The following GIT2 variants were observed in gnomAD, a reference collection of about 807,000 sequenced individuals.
GIT2 encodes GIT ArfGAP 2.
A neutral mutation model predicts 100.3 loss-of-function variants in GIT2; 32 were observed. That is an observed-to-expected ratio of 0.32 (90% CI 0.24 to 0.43). The LOEUF (loss-of-function observed/expected upper bound fraction) is 0.43, where lower values mean the gene tolerates loss of function less well. Among genes scored for constraint, GIT2 ranks in the 20% least tolerant of loss-of-function variants. The pLI is 1.00. For synonymous variants in GIT2, 353 were observed against 364.1 expected (o/e 0.97, Z 0.35); for missense variants, 737 against 975.1 (o/e 0.76, Z 3.25).
Position 109,933,902 on chromosome 12 carries a change from C to T in GIT2, c.2067+120G>A, listed in dbSNP as rs569143359. ...AGGCGTGAGCCACCACACCCGGCCT[C>T]GACTGCATATTTTAAAACTGCATGT... On this transcript the variant is annotated intron_variant, in intron 19 of 19. Transcript: ENST00000355312. The surrounding 1 kb of genome is among the most constrained non-coding windows in gnomAD (Gnocchi z 4.5). The T allele has an allele frequency of 5.7e-6, 4 of 703,982 alleles. No homozygotes were observed. The highest frequency in any genetic ancestry group is 1.5e-5 in the South Asian group (1 of 65,166). 43.6% of individuals were successfully genotyped at this position (703,982 alleles called of 1,614,324 possible). A position where few individuals can be genotyped will look rare whatever the true frequency, so the allele number is the denominator to read the frequency against.
rs1264967379 is a variant in GIT2, at chr12:109,953,191, G to T, written c.1143C>A (p.Ser381Arg). The change falls in exon 13 of 20, where the codon AGC becomes AGA. Residue 381 changes from serine to arginine, a missense_variant. By Grantham distance (110) the Ser-to-Arg change is moderately radical (BLOSUM62 -1). Around this residue, in one of 3 missense-constraint regions of GIT2, gnomAD observed 451 missense variants for 543.7 expected, o/e 0.83. Transcript: ENST00000355312. ...LILKTINNQHSVESQDNDQPD... is the reference protein window; with the variant it reads ...LILKTINNQHRVESQDNDQPD... ...GCTGATCGTTGTCTTGACTCTCAACGCTGTGCTGGTTATTGATGGTTTTCA... is the reference window on the plus strand; with the variant it reads ...GCTGATCGTTGTCTTGACTCTCAACTCTGTGCTGGTTATTGATGGTTTTCA... 6.2e-7 allele frequency: 1 copy of T among 1,613,656 alleles called. No homozygotes were observed. Among genetic ancestry groups the T allele is most frequent in the Admixed American group, 1.7e-5 (1 of 60,000 alleles).
At chr12:109,978,420 A>C (rs1373505529) in intron 7 of GIT2, among the ~76,000 whole-genome samples, 1 of 152,076 alleles carries the variant, frequency 6.6e-6, no homozygotes, top group Admixed American at 6.6e-5. Flanking sequence ...ATTTCTTCAA[A>C]TACGTTTTCT....
Position 109,948,029 on chromosome 12 carries a change from G to A in GIT2, c.1393-525C>T, listed in dbSNP as rs1329675335. On this transcript the variant is annotated intron_variant, in intron 14 of 19. Transcript: ENST00000355312. The surrounding 1 kb of genome is among the most constrained non-coding windows in gnomAD (Gnocchi z 4.3). ...AGTTCAGCTTGTGAAAAATCAGATCGCCTATTGCTTTCCAAAAAGCCAACA... is the reference window on the plus strand; with the variant it reads ...AGTTCAGCTTGTGAAAAATCAGATCACCTATTGCTTTCCAAAAAGCCAACA... 3.5e-6 allele frequency: 2 copies of A among 567,678 alleles called. No homozygotes were observed. Among genetic ancestry groups the A allele is most frequent in the Non-Finnish European group, 4.5e-6 (2 of 448,812 alleles). 35.2% of individuals were successfully genotyped at this position (567,678 alleles called of 1,614,324 possible).
Position 109,944,103 on chromosome 12 carries a change from T to C in GIT2, c.1731+1157A>G, listed in dbSNP as rs550145160. Among the ~76,000 whole-genome samples the C allele has an allele frequency of 2.1e-4, 32 of 152,252 alleles. No homozygotes were observed. The East Asian group carries it at 5.8e-3, about 28-fold the overall frequency. On this transcript the variant is annotated intron_variant, in intron 16 of 19. Transcript: ENST00000355312. The stretch of plus-strand genomic sequence containing the variant: ...GGGAGGACTGCTTGAGCCCAGGAGT[T>C]TGAGGCTGCAGTACGCTATGACCAT...
intron 12 of GIT2, among the ~76,000 whole-genome samples, chr12:109,955,053 T>C (rs1176594327): frequency 6.6e-6 from 1 of 152,226 alleles, no homozygotes; most frequent in African/African-American, 2.4e-5. Flanking sequence ...TGTTATTTGT[T>C]GATCTATTTC....
chr12:109,955,290 A>AT (rs1448279909), intron 12 of GIT2, among the ~76,000 whole-genome samples: 1 of 151,864 alleles, frequency 6.6e-6, no homozygotes, highest in East Asian at 1.9e-4. Context: ...CACCCAGCTA[A>AT]TTTTTTTGTA....
intron 12 of GIT2, among the ~76,000 whole-genome samples, chr12:109,959,088 AAC>A (rs1880349769): frequency 6.6e-6 from 1 of 150,706 alleles, no homozygotes; most frequent in African/African-American, 2.4e-5. Flanking sequence ...TTTTTTTTGA[AAC>A]AGAGTCTTGC....
rs148329280 is a variant in GIT2 at position 109,951,246 on chromosome 12, A to T, written c.1313T>A (p.Val438Glu). The T allele has an allele frequency of 5.1e-5, 83 of 1,611,910 alleles. 1 individual carries two copies. The African/African-American group carries it at 9.2e-4, about 18-fold the overall frequency. ...CTGCTGTATCTTGGCCTCAGAAGCCACTAGAGCGTTTTTGACCTCCATAAA... is the reference window on the plus strand; with the variant it reads ...CTGCTGTATCTTGGCCTCAGAAGCCTCTAGAGCGTTTTTGACCTCCATAAA... ...QEFMEVKNAL[V>E]ASEAKIQQLM... Residue 438 changes from valine to glutamate, a missense_variant, in exon 14 of 20, where the codon GTG becomes GAG. Physicochemically the swap from Val to Glu is moderately radical, Grantham distance 121. Transcript: ENST00000355312.
At position 109,948,286 on chromosome 12, in the gene GIT2, A is replaced by C. The variant is rs1876888410; in HGVS notation, c.1393-782T>G. The C allele has an allele frequency of 1.0e-6, 1 of 986,738 alleles. No individual in the cohort carries two copies. The highest frequency in any genetic ancestry group is 1.2e-6 in the Non-Finnish European group (1 of 830,962). The allele number at this position is 986,738 out of a possible 1,614,324, so 61.1% of individuals were successfully genotyped here. A position where few individuals can be genotyped will look rare whatever the true frequency, so the allele number is the denominator to read the frequency against. On this transcript the variant is annotated intron_variant, in intron 14 of 19. Transcript: ENST00000355312. The surrounding 1 kb of genome is among the most constrained non-coding windows in gnomAD (Gnocchi z 4.3). ...TCTGGTGAGTGATCATCTTTCGGCCAGGGCTGGAATATTTGGCCTTTCTCT... is the reference window on the plus strand; with the variant it reads ...TCTGGTGAGTGATCATCTTTCGGCCCGGGCTGGAATATTTGGCCTTTCTCT...
chr12:109,945,389 A>G lies in GIT2; in HGVS notation c.1642-40T>C, dbSNP rs779593425. The G allele has an allele frequency of 4.9e-6, 5 of 1,022,248 alleles. No individual in the cohort carries two copies. The Admixed American group carries it at 5.4e-5, about 11-fold the overall frequency. The allele number at this position is 1,022,248 out of a possible 1,614,324, so 63.3% of individuals were successfully genotyped here. A position where few individuals can be genotyped will look rare whatever the true frequency, so the allele number is the denominator to read the frequency against. On this transcript the variant is annotated intron_variant, in intron 15 of 19. Transcript: ENST00000355312. ...AGAAACACACTCGGGAAAATACAAA[A>G]CAAACCAAAAACCTACCACCTTGCC... is the stretch of plus-strand genomic sequence containing the variant.
Position 109,932,990 on chromosome 12 carries a change from C to T in GIT2, c.2268G>A (p.Glu756=). Residue 756 remains glutamate, a synonymous_variant, in exon 20 of 20, where the codon GAG becomes GAA. Coordinates refer to ENST00000355312, the MANE Select transcript of GIT2 (RefSeq NM_057169.5). The stretch of plus-strand genomic sequence containing the variant: ...TGCCCTGCCCTTGTCAGTTGTTGTT[C>T]TCTTTGGTGGTGATGGTAACCAGCT... ...AKQLVTITTK[E]NNN is the part of the protein sequence containing the mutation. 1 of 1,605,762 alleles carries T rather than the reference C, an allele frequency of 6.2e-7. No homozygotes were observed. Among genetic ancestry groups the T allele is most frequent in the African/African-American group, 1.3e-5 (1 of 74,848 alleles).
chr12:109,986,094 A>G (rs141030379), intron 4 of GIT2, among the ~76,000 whole-genome samples: 11 of 151,964 alleles, frequency 7.2e-5, no homozygotes, highest in African/African-American at 2.7e-4. Context: ...CCAGTTCAAG[A>G]GATTCACAGC....
Position 109,989,810 on chromosome 12 carries a change from C to A in GIT2, c.187-8G>T. 1.4e-6 allele frequency: 2 copies of A among 1,396,906 alleles called. No individual in the cohort carries two copies. Among genetic ancestry groups the A allele is most frequent in the South Asian group, 2.3e-5 (2 of 86,412 alleles). 86.5% of individuals were successfully genotyped at this position (1,396,906 alleles called of 1,614,324 possible). A position where few individuals can be genotyped will look rare whatever the true frequency, so the allele number is the denominator to read the frequency against. ...ATACAAGGTCTCAACCATCTAAAAC[C>A]AAGCAGGATGACATAAGACTTTAAT... On this transcript the variant is annotated splice_region_variant and splice_polypyrimidine_tract_variant and intron_variant, in intron 2 of 19. Transcript: ENST00000355312.
intron 7 of GIT2, among the ~76,000 whole-genome samples, chr12:109,973,046 G>A (rs1884284190): frequency 6.6e-6 from 1 of 151,164 alleles, no homozygotes; most frequent in Non-Finnish European, 1.5e-5. Flanking sequence ...CAGGCTGGTC[G>A]CAAACTCTTG....
intron 7 of GIT2, among the ~76,000 whole-genome samples, chr12:109,973,602 C>A (rs1007126180): frequency 2.0e-5 from 3 of 151,930 alleles, no homozygotes; most frequent in African/African-American, 7.3e-5. Context: ...GCTACTGTTT[C>A]CTTCTTTCAG....
chr12:109,973,623 T>C (rs535356292), intron 7 of GIT2, among the ~76,000 whole-genome samples: 1 of 152,304 alleles, frequency 6.6e-6, no homozygotes, highest in East Asian at 1.9e-4. Context: ...TTTCATTGAT[T>C]TTTCGCTACT....
Position 109,985,714 on chromosome 12 carries a change from A to C in GIT2, c.406-2020T>G, listed in dbSNP as rs190690881. On this transcript the variant is annotated intron_variant, in intron 4 of 19. Coordinates refer to ENST00000355312, the MANE Select transcript of GIT2 (RefSeq NM_057169.5). Reference sequence around the variant, plus strand: ...AAAATACAAAAAAAATTAGCCGGGCATGGTGGTGGGCACCTGTAATCCAAG... The same window carrying C: ...AAAATACAAAAAAAATTAGCCGGGCCTGGTGGTGGGCACCTGTAATCCAAG... 1.3e-3 allele frequency among the ~76,000 whole-genome samples: 193 copies of C among 152,202 alleles called. 1 individual carries two copies. The highest frequency in any genetic ancestry group is 1.9e-3 in the Non-Finnish European group (130 of 67,986).
chr12:109,937,700 T>C (rs1412581751), intron 18 of GIT2, among the ~76,000 whole-genome samples: 2 of 152,160 alleles, frequency 1.3e-5, no homozygotes, highest in Non-Finnish European at 2.9e-5. Flanking sequence ...TGGGTGATGA[T>C]GAGATCAACT....
In GIT2 at chr12:109,947,402, A is replaced by G; in HGVS notation, c.1495T>C (p.Ser499Pro). 6.2e-7 allele frequency: 1 copy of G among 1,614,052 alleles called. No individual in the cohort carries two copies. Among genetic ancestry groups the G allele is most frequent in the Non-Finnish European group, 8.5e-7 (1 of 1,179,968 alleles). ...GCAGACGGACGTCTCTTTAAGGAAG[A>G]GTGGTTGGAAGTGTCTGTGTACTCA... Reference protein sequence around the residue: ...GSEYTDTSNHSSLKRRPSARG... With the variant: ...GSEYTDTSNHPSLKRRPSARG... The change falls in exon 15 of 20, where the codon TCT becomes CCT. Residue 499 changes from serine (S) to proline (P), a missense_variant. By Grantham distance (74) the Ser-to-Pro change is moderately conservative (BLOSUM62 -1). Coordinates refer to ENST00000355312, the MANE Select transcript of GIT2 (RefSeq NM_057169.5). The surrounding 1 kb of genome is among the most constrained non-coding windows in gnomAD (Gnocchi z 4.3).
Sources: gnomAD v4.1 joint callset for allele counts (sites outside exome capture counted in the v4.1 genomes callset) on GRCh38, gnomAD v4.1.1 for gene constraint, gnomAD v4.1.1 regional missense constraint, Gnocchi (gnomAD v3.1) non-coding constraint, MANE v1.5 for transcripts, NCBI Gene and HGNC (gene_info 2026-07-23, HGNC 2026-07-21) for gene names.